Variants in MAP2K5 observed in about 807,000 individuals in gnomAD.
MAP2K5 encodes dual specificity mitogen-activated protein kinase kinase 5.
A neutral mutation model predicts 83.1 loss-of-function variants in MAP2K5; 49 were observed. The observed-to-expected ratio is 0.59, with a 90% CI of 0.47 to 0.75. The LOEUF (loss-of-function observed/expected upper bound fraction) is 0.75, where lower values mean the gene tolerates loss of function less well. Among genes scored for constraint, MAP2K5 ranks in the 30% least tolerant of loss-of-function variants. The pLI is 0.00. For synonymous variants in MAP2K5, 202 were observed against 191.8 expected, an observed-to-expected ratio of 1.05 and a Z score of -0.44; for missense variants, 457 against 557.5, an observed-to-expected ratio of 0.82 and a Z score of 1.82.
At chr15:67,592,777 C>A in intron 6 of MAP2K5, 149 bp from the exon 7 acceptor site, 1 of 628,874 alleles carries the variant, frequency 1.6e-6, no homozygotes, top group Non-Finnish European at 2.8e-6. Flanking sequence ...TGGCCAGTTA[C>A]TTTTGAAAAA....
At chr15:67,731,336 A>C (rs1433669494) in intron 17 of MAP2K5, among the ~76,000 whole-genome samples, 1 of 152,182 alleles carries the variant, frequency 6.6e-6, no homozygotes, top group Non-Finnish European at 1.5e-5. Flanking sequence ...TACTAGGGAC[A>C]GTCAGTGCCC....
chr15:67,650,968 A>G (rs2086938249), intron 11 of MAP2K5, among the ~76,000 whole-genome samples: 2 of 152,198 alleles, frequency 1.3e-5, no homozygotes, highest in Admixed American at 1.3e-4. Context: ...TAATCCCAGC[A>G]TTTTGGAAGG....
intron 3 of MAP2K5, among the ~76,000 whole-genome samples, chr15:67,578,498 A>T (rs919736886): frequency 7.0e-4 from 107 of 152,334 alleles, no homozygotes; most frequent in African/African-American, 2.5e-3. Context: ...TAATACAGAC[A>T]CAGATCAAAT....
At chr15:67,651,866 A>G (rs1243120334) in intron 11 of MAP2K5, among the ~76,000 whole-genome samples, 1 of 152,158 alleles carries the variant, frequency 6.6e-6, no homozygotes, top group Non-Finnish European at 1.5e-5. Flanking sequence ...TTTCTTTTGG[A>G]TATATACCCA....
rs1233020019 is a variant in MAP2K5 at position 67,565,357 on chromosome 15, G to A, written c.252+2007G>A. ...CAATTCTCCTGCCTCAGCCTCCTGAGTAGCTGGGATTACAGGCACCCACCA... is the reference window on the plus strand; with the variant it reads ...CAATTCTCCTGCCTCAGCCTCCTGAATAGCTGGGATTACAGGCACCCACCA... On this transcript the variant is annotated intron_variant, in intron 3 of 21. Transcript: ENST00000178640. The surrounding 1 kb of genome is among the most constrained non-coding windows in gnomAD (Gnocchi z 4.1). Among the ~76,000 whole-genome samples the A allele has an allele frequency of 6.6e-6, 1 of 152,126 alleles. No individual in the cohort carries two copies. Among genetic ancestry groups the A allele is most frequent in the Non-Finnish European group, 1.5e-5 (1 of 68,026 alleles).
intron 12 of MAP2K5, among the ~76,000 whole-genome samples, chr15:67,664,225 G>A (rs1218456225): frequency 2.0e-5 from 3 of 150,942 alleles, no homozygotes; most frequent in South Asian, 2.1e-4. Context: ...CAGGTGTGGT[G>A]GCTTACGCCT....
At chr15:67,609,027 G>A (rs2085846759) in intron 8 of MAP2K5, among the ~76,000 whole-genome samples, 2 of 152,132 alleles carry the variant, frequency 1.3e-5, no homozygotes, top group Non-Finnish European at 2.9e-5. Context: ...GGGTGACTCT[G>A]GGAAGTGGTG....
At position 67,702,893 on chromosome 15, in the gene MAP2K5, T is replaced by G. The variant is rs1414108657; in HGVS notation, c.973-444T>G. Reference sequence around the variant, plus strand: ...TCAAATAAAAAATTAAAAGAAACCCTCCTGTTCCAGACCAATCTATCAAAA... The same window carrying G: ...TCAAATAAAAAATTAAAAGAAACCCGCCTGTTCCAGACCAATCTATCAAAA... On this transcript the variant is annotated intron_variant, in intron 15 of 21. Coordinates refer to ENST00000178640, the MANE Select transcript of MAP2K5 (RefSeq NM_145160.3). The surrounding 1 kb of genome is among the most constrained non-coding windows in gnomAD (Gnocchi z 4.6). Among the ~76,000 whole-genome samples, 1 of 152,182 alleles carries G rather than the reference T, an allele frequency of 6.6e-6. No homozygotes were observed. The highest frequency in any genetic ancestry group is 1.9e-4 in the East Asian group (1 of 5,198).
intron 9 of MAP2K5, chr15:67,641,634 T>C: frequency 1.0e-6 from 1 of 989,970 alleles, no homozygotes; most frequent in Non-Finnish European, 1.2e-6. Context: ...GGAGGTGTAG[T>C]GGAGAGCAGT....
rs540351693 is a variant in MAP2K5 at position 67,736,714 on chromosome 15, AT to A, written c.1074+8770del. 1.1e-3 allele frequency among the ~76,000 whole-genome samples: 170 copies of A among 152,326 alleles called. 1 individual carries two copies. The highest frequency in any genetic ancestry group is 3.8e-3 in the African/African-American group (158 of 41,572). Reference sequence around the variant, plus strand: ...ACCATGATTCCCTTACAATTTTTAAATAATCAATTTAGCCCCCAGAAATAGA... The same window carrying A: ...ACCATGATTCCCTTACAATTTTTAAAAATCAATTTAGCCCCCAGAAATAGA... On this transcript the variant is annotated intron_variant, in intron 17 of 21. Transcript: ENST00000178640. The surrounding 1 kb of genome is among the most constrained non-coding windows in gnomAD (Gnocchi z 4.3).
At position 67,782,152 on chromosome 15, in the gene MAP2K5, G is replaced by A. The variant is rs1286653739; in HGVS notation, c.1242+9400G>A. On this transcript the variant is annotated intron_variant, in intron 21 of 21. Coordinates refer to ENST00000178640, the MANE Select transcript of MAP2K5 (RefSeq NM_145160.3). The surrounding 1 kb of genome is among the most constrained non-coding windows in gnomAD (Gnocchi z 4.9). ...TGATGATTGGGCCCAGCTGGTAGTA[G>A]ATAAGAAAATGTTCCTTTCACAAAG... 6.6e-6 allele frequency among the ~76,000 whole-genome samples: 1 copy of A among 152,204 alleles called. No individual in the cohort carries two copies. The highest frequency in any genetic ancestry group is 1.5e-5 in the Non-Finnish European group (1 of 68,036).
At chr15:67,546,880 C>A (rs1158388126) in intron 1 of MAP2K5, among the ~76,000 whole-genome samples, 2 of 152,068 alleles carry the variant, frequency 1.3e-5, no homozygotes, top group Non-Finnish European at 2.9e-5. Context: ...GCCTGGGCAA[C>A]ATGGCAAAAC....
chr15:67,609,839 A>G (rs1439125683), intron 8 of MAP2K5, among the ~76,000 whole-genome samples: 6 of 152,202 alleles, frequency 3.9e-5, no homozygotes, highest in African/African-American at 1.2e-4. Flanking sequence ...GAAGAACCTT[A>G]TAGGCAGAAG....
chr15:67,613,225 G>A (rs2085972320), intron 8 of MAP2K5, among the ~76,000 whole-genome samples: 1 of 152,180 alleles, frequency 6.6e-6, no homozygotes, highest in Non-Finnish European at 1.5e-5. Context: ...AGAAGAGTAA[G>A]GCAAGAACAG....
In MAP2K5 at chr15:67,802,447, C is replaced by T. The variant is rs1438829560; in HGVS notation, c.1243-4199C>T. Among the ~76,000 whole-genome samples the T allele has an allele frequency of 6.6e-6, 1 of 152,240 alleles. No homozygotes were observed. The highest frequency in any genetic ancestry group is 1.5e-5 in the Non-Finnish European group (1 of 68,044). On this transcript the variant is annotated intron_variant, in intron 21 of 21. Transcript: ENST00000178640. This position sits in a 1 kb window ranked among gnomAD's most constrained non-coding sequence, Gnocchi z 5.0. ...TTGGAGTCATCCTGCCTCTGGCAGC[C>T]CTGTTCTTTTCCCTTCATTGTGTCT...
rs752373656 is a variant in MAP2K5, at chr15:67,677,661, G to A, written c.847+13016G>A. Among the ~76,000 whole-genome samples, 26 of 152,292 alleles carry A rather than the reference G, an allele frequency of 1.7e-4. No homozygotes were observed. The highest frequency in any genetic ancestry group is 3.4e-3 in the Middle Eastern group (1 of 294). On this transcript the variant is annotated intron_variant, in intron 13 of 21. Transcript: ENST00000178640. The surrounding 1 kb of genome is among the most constrained non-coding windows in gnomAD (Gnocchi z 4.2). The stretch of plus-strand genomic sequence containing the variant: ...AGACTTGGGGAAGTAGGTTGTGCAG[G>A]AACACATTCCTCCAGACCTGGCTTT...
chr15:67,542,727 CTACCGCCGTCGCCGCCGCCG>C lies in MAP2K5; in HGVS notation c.-608_-589del. ...CGCCTTCCTCCTCCTCCTCTCGCCG[CTACCGCCGTCGCCGCCGCCG>C]CAGCCGCCGCCAGTCCGCGCGGCCT... is the stretch of plus-strand genomic sequence containing the variant. On this transcript the variant is annotated 5_prime_UTR_variant, in exon 1 of 22. Transcript: ENST00000178640. 1.0e-5 allele frequency: 1 copy of C among 97,870 alleles called. No individual in the cohort carries two copies. Among genetic ancestry groups the C allele is most frequent in the Non-Finnish European group, 2.5e-5 (1 of 39,570 alleles). The allele number at this position is 97,870 out of a possible 1,614,324, so 6.1% of individuals were successfully genotyped here.
intron 8 of MAP2K5, chr15:67,627,748 G>A: frequency 3.4e-6 from 1 of 291,112 alleles, no homozygotes. Flanking sequence ...GTTATCATAT[G>A]TAAATTATAT....
chr15:67,597,072 G>A (rs952880866), intron 7 of MAP2K5, among the ~76,000 whole-genome samples: 1 of 151,956 alleles, frequency 6.6e-6, no homozygotes, highest in Non-Finnish European at 1.5e-5. Flanking sequence ...AGGAGGCTAA[G>A]GCAGGAGAAT....
Sources: gnomAD v4.1 joint callset for allele counts (sites outside exome capture counted in the v4.1 genomes callset) on GRCh38, gnomAD v4.1.1 for gene constraint, Gnocchi (gnomAD v3.1) non-coding constraint, MANE v1.5 for transcripts, NCBI Gene and HGNC (gene_info 2026-07-23, HGNC 2026-07-21) for gene names.